The following AEBP2 variants were observed in gnomAD, a reference collection of about 807,000 sequenced individuals.
AEBP2 encodes the protein zinc finger protein AEBP2.
Under a neutral mutation model 50.8 loss-of-function variants are expected in AEBP2, and 10 were observed. That is an observed-to-expected ratio of 0.20 (90% CI 0.12 to 0.33). The LOEUF is 0.33. Among genes scored for constraint, AEBP2 ranks in the 10% least tolerant of loss-of-function variants. The pLI is 1.00. For synonymous variants in AEBP2, 296 were observed against 261.3 expected (o/e 1.13, Z -1.28); for missense variants, 570 against 688.0 (o/e 0.83, Z 1.92).
chr12:19,457,470 A>C, intron 1 of AEBP2: 1 of 1,514,630 alleles, frequency 6.6e-7, no homozygotes, highest in South Asian at 1.3e-5. Context: ...CAGTTTATCC[A>C]AGACCCAGGC....
At chr12:19,457,449 C>T (rs566129061) in intron 1 of AEBP2, 21 of 1,521,124 alleles carry the variant, frequency 1.4e-5, no homozygotes, top group Non-Finnish European at 1.5e-5. Context: ...ACCACGTTCA[C>T]GCTCAGCTTT....
chr12:19,454,942 G>A lies in AEBP2; in HGVS notation c.672-7568G>A, dbSNP rs142785212. 1.1e-3 allele frequency among the ~76,000 whole-genome samples: 164 copies of A among 151,956 alleles called. No homozygotes were observed. In the South Asian group the frequency reaches 0.018, roughly 17 times the overall value. ...CTCAGAATAAAATAAAAGTATTCCC[G>A]TTTAGAAACATATTCTTTTGATCTG... On this transcript the variant is annotated intron_variant, in intron 1 of 7. Coordinates refer to ENST00000266508, the MANE Select transcript of AEBP2 (RefSeq NM_153207.5).
intron 2 of AEBP2, chr12:19,466,670 C>A: frequency 3.0e-6 from 1 of 331,670 alleles, no homozygotes; most frequent in Non-Finnish European, 4.3e-6. Flanking sequence ...TTGTAGGTAT[C>A]TAATATAAGT....
intron 1 of AEBP2, among the ~76,000 whole-genome samples, chr12:19,416,877 CTT>C (rs60880618): frequency 4.5e-4 from 62 of 136,988 alleles, no homozygotes; most frequent in East Asian, 4.4e-4. Context: ...TTTCTTTTTT[CTT>C]TTTTTTTTTT....
At chr12:19,506,721 A>AG (rs1484314174) in intron 5 of AEBP2, among the ~76,000 whole-genome samples, 1 of 152,126 alleles carries the variant, frequency 6.6e-6, no homozygotes, top group Non-Finnish European at 1.5e-5. Context: ...GTGAGAGTAA[A>AG]GGGGAATTTG....
intron 1 of AEBP2, chr12:19,413,243 G>A (rs950097312): frequency 9.7e-6 from 9 of 923,438 alleles, no homozygotes; most frequent in African/African-American, 4.9e-5. Context: ...TCAGTCGGCC[G>A]GGCCAGGTTT....
At chr12:19,486,354 T>A (rs1246936568) in intron 3 of AEBP2, among the ~76,000 whole-genome samples, 11 of 152,200 alleles carry the variant, frequency 7.2e-5, no homozygotes, top group Admixed American at 7.2e-4. Context: ...CACTTCCTTT[T>A]GGGCATTTGG....
intron 2 of AEBP2, among the ~76,000 whole-genome samples, chr12:19,467,878 T>C (rs1948506109): frequency 6.6e-6 from 1 of 152,086 alleles, no homozygotes; most frequent in African/African-American, 2.4e-5. Flanking sequence ...GTGTGTTTTT[T>C]TGTTGAGAGG....
chr12:19,411,699 T>A (rs1358273721), intron 1 of AEBP2, among the ~76,000 whole-genome samples: 1 of 152,226 alleles, frequency 6.6e-6, no homozygotes, highest in South Asian at 2.1e-4. Context: ...ACCTCTACAG[T>A]GCTGGAACAT....
chr12:19,470,329 G>A (rs1297208730), intron 2 of AEBP2, among the ~76,000 whole-genome samples: 1 of 151,988 alleles, frequency 6.6e-6, no homozygotes, highest in Admixed American at 6.6e-5. Flanking sequence ...GGCTAATTTT[G>A]TATTTTCAGT....
At chr12:19,491,094 G>A (rs1453154029) in intron 3 of AEBP2, among the ~76,000 whole-genome samples, 1 of 152,200 alleles carries the variant, frequency 6.6e-6, no homozygotes, top group Non-Finnish European at 1.5e-5. Flanking sequence ...TCGTAGGTTT[G>A]CAGTGACCTT....
chr12:19,464,711 C>T (rs949911671), intron 2 of AEBP2, among the ~76,000 whole-genome samples: 2 of 151,648 alleles, frequency 1.3e-5, no homozygotes, highest in Admixed American at 6.6e-5. Context: ...CTCACCCTCC[C>T]GAGTAGCTGG....
chr12:19,518,412 C>T lies in AEBP2; in HGVS notation c.*295C>T. On this transcript the variant is annotated 3_prime_UTR_variant, in exon 8 of 8. Transcript: ENST00000266508. The stretch of plus-strand genomic sequence containing the variant: ...ACTTAGTAGAACAGCTTCTTAAAGG[C>T]TTTGCATGCTTGCTGCTTTAAGCTG... 1 of 1,228,040 alleles carries T rather than the reference C, an allele frequency of 8.1e-7. No individual in the cohort carries two copies. Among genetic ancestry groups the T allele is most frequent in the East Asian group, 3.3e-5 (1 of 30,002 alleles). The allele number at this position is 1,228,040 out of a possible 1,614,324, so 76.1% of individuals were successfully genotyped here.
At chr12:19,485,689 A>C (rs1948796940) in intron 3 of AEBP2, among the ~76,000 whole-genome samples, 1 of 138,768 alleles carries the variant, frequency 7.2e-6, no homozygotes, top group Admixed American at 7.3e-5. Context: ...TGACAGAGAG[A>C]GAGAGAGAGA....
chr12:19,515,620 A>C (rs949210997), intron 7 of AEBP2, among the ~76,000 whole-genome samples: 12 of 152,216 alleles, frequency 7.9e-5, no homozygotes, highest in African/African-American at 2.7e-4. Context: ...TGTAAATTTT[A>C]GCTATCATAA....
chr12:19,413,987 A>G lies in AEBP2; in HGVS notation c.-17+9771A>G, dbSNP rs115024277. 7.3e-3 allele frequency among the ~76,000 whole-genome samples: 1,100 copies of G among 151,444 alleles called. 14 individuals are homozygous for G. Among genetic ancestry groups the G allele is most frequent in the African/African-American group, 0.025 (1,038 of 41,240 alleles). On this transcript the variant is annotated intron_variant, in intron 1 of 3. Transcript: ENST00000538425. ...CAGCTCACTGCAACCTCTGCTGCCT[A>G]GGTCCAAGCGATTCTCCTGCCTTAA...
At chr12:19,481,176 C>T (rs938367656) in intron 3 of AEBP2, among the ~76,000 whole-genome samples, 1 of 140,034 alleles carries the variant, frequency 7.1e-6, no homozygotes. Context: ...TCTCCACTCA[C>T]TTCAACCTCC....
At chr12:19,411,314 A>T (rs1181258396) in intron 1 of AEBP2, among the ~76,000 whole-genome samples, 1 of 152,208 alleles carries the variant, frequency 6.6e-6, no homozygotes, top group East Asian at 1.9e-4. Flanking sequence ...GCAATATTAA[A>T]GGAAGCTTGG....
At chr12:19,424,557 T>C (rs2095747555) in intron 1 of AEBP2, among the ~76,000 whole-genome samples, 1 of 151,718 alleles carries the variant, frequency 6.6e-6, no homozygotes. Flanking sequence ...CCACCTCGCC[T>C]GGCTAATTTT....
Sources: allele counts gnomAD v4.1 joint callset (sites outside exome capture counted in the v4.1 genomes callset), GRCh38; gene constraint gnomAD v4.1.1; transcripts MANE v1.5; gene names NCBI Gene and HGNC (gene_info 2026-07-23, HGNC 2026-07-21).